Variants in CACHD1 observed in about 807,000 individuals in gnomAD.
CACHD1 encodes the protein cache domain containing 1.
A neutral mutation model predicts 138.7 loss-of-function variants in CACHD1; 71 were observed. The observed-to-expected ratio is 0.51, with a 90% CI of 0.42 to 0.62. The LOEUF (loss-of-function observed/expected upper bound fraction) is 0.62. CACHD1 is among the 20% of genes least tolerant of loss of function. The probability of loss-of-function intolerance (pLI) is 0.00; values close to 1 mark genes in which losing one functional copy is unlikely to be tolerated. For missense variants in CACHD1, 1,389 were observed against 1,625.3 expected (o/e 0.85, Z 2.50); for synonymous variants, 578 against 591.5 (o/e 0.98, Z 0.33).
At chr1:64,510,742 A>G (rs1001175116) in intron 1 of CACHD1, among the ~76,000 whole-genome samples, 2 of 152,256 alleles carry the variant, frequency 1.3e-5, no homozygotes, top group African/African-American at 4.8e-5. Context: ...TGCCAGAGAG[A>G]TTGGGTCACT....
chr1:64,600,874 C>T (rs771833233), intron 3 of CACHD1, among the ~76,000 whole-genome samples: 44 of 152,262 alleles, frequency 2.9e-4, no homozygotes, highest in Non-Finnish European at 5.4e-4. Flanking sequence ...TCTAGCCTTC[C>T]ATTTCCAATA....
At chr1:64,507,474 G>A (rs985593379) in intron 1 of CACHD1, among the ~76,000 whole-genome samples, 7 of 152,178 alleles carry the variant, frequency 4.6e-5, no homozygotes, top group Non-Finnish European at 7.3e-5. Flanking sequence ...TTTTACTTGT[G>A]TTGATGTTGT....
intron 26 of CACHD1, among the ~76,000 whole-genome samples, chr1:64,684,439 A>C (rs1203122242): frequency 6.7e-6 from 1 of 150,002 alleles, no homozygotes; most frequent in Non-Finnish European, 1.5e-5. Context: ...GAAATGTAAA[A>C]ATTTTTAAAC....
At chr1:64,580,605 G>A (rs1647004107) in intron 2 of CACHD1, among the ~76,000 whole-genome samples, 1 of 152,094 alleles carries the variant, frequency 6.6e-6, no homozygotes, top group South Asian at 2.1e-4. Flanking sequence ...TTAATAAAAT[G>A]TGAATTTTTT....
chr1:64,574,557 G>T (rs887302004), intron 2 of CACHD1, among the ~76,000 whole-genome samples: 1 of 152,038 alleles, frequency 6.6e-6, no homozygotes, highest in African/African-American at 2.4e-5. Flanking sequence ...CCTTCTCCAC[G>T]TACAGAGAAT....
At chr1:64,517,105 T>C (rs1246994407) in intron 1 of CACHD1, among the ~76,000 whole-genome samples, 2 of 152,222 alleles carry the variant, frequency 1.3e-5, no homozygotes, top group African/African-American at 4.8e-5. Context: ...ACATAGTAGG[T>C]ACTGAATGCT....
chr1:64,596,362 G>A (rs1223377596), intron 3 of CACHD1, among the ~76,000 whole-genome samples: 2 of 152,190 alleles, frequency 1.3e-5, no homozygotes, highest in African/African-American at 2.4e-5. Context: ...TTCCCAGAAA[G>A]AATGAGCGGG....
At position 64,481,001 on chromosome 1, in the gene CACHD1, C is replaced by T. The variant is rs114861834; in HGVS notation, c.198+10059C>T. ...TTTAAATGTTTCTTTACCTTGCCCT[C>T]TTTTTTTCTGAGTTCAAAGGTAGCT... is the stretch of plus-strand genomic sequence containing the variant. On this transcript the variant is annotated intron_variant, in intron 1 of 26. Coordinates refer to ENST00000651257, the MANE Select transcript of CACHD1 (RefSeq NM_020925.4). 8.5e-3 allele frequency among the ~76,000 whole-genome samples: 1,293 copies of T among 151,944 alleles called. 18 individuals carry two copies. Among genetic ancestry groups the T allele is most frequent in the African/African-American group, 0.03 (1,226 of 41,402 alleles).
intron 2 of CACHD1, chr1:64,580,040 TG>T (rs1412301543): frequency 6.6e-6 from 1 of 151,912 alleles, no homozygotes; most frequent in Non-Finnish European, 1.5e-5. Context: ...GCCCACTGAA[TG>T]TGAAAGTCTA....
intron 16 of CACHD1, among the ~76,000 whole-genome samples, chr1:64,670,443 G>A (rs1649775272): frequency 6.6e-6 from 1 of 152,206 alleles, no homozygotes; most frequent in Non-Finnish European, 1.5e-5. Context: ...GGTGGGTGAT[G>A]CTAAATAATA....
intron 9 of CACHD1, among the ~76,000 whole-genome samples, chr1:64,649,644 C>G (rs1649025492): frequency 6.6e-6 from 1 of 152,176 alleles, no homozygotes; most frequent in Non-Finnish European, 1.5e-5. Context: ...ACGTAGAGAT[C>G]CAGTTTTTCA....
At chr1:64,500,733 AAAG>A (rs1321203230) in intron 1 of CACHD1, among the ~76,000 whole-genome samples, 10 of 122,070 alleles carry the variant, frequency 8.2e-5, no homozygotes, top group East Asian at 2.2e-4. Context: ...AAAAAAAAAA[AAAG>A]AGAGAGAGAG....
At chr1:64,556,110 C>T (rs1329414635) in intron 2 of CACHD1, among the ~76,000 whole-genome samples, 1 of 152,152 alleles carries the variant, frequency 6.6e-6, no homozygotes, top group African/African-American at 2.4e-5. Context: ...TCTGTGCTGT[C>T]ATTAAAGTAA....
chr1:64,590,895 G>C (rs1208262377), intron 3 of CACHD1, among the ~76,000 whole-genome samples: 2 of 152,176 alleles, frequency 1.3e-5, no homozygotes, highest in Non-Finnish European at 2.9e-5. Flanking sequence ...GTAATCTTGG[G>C]ACGTTCACTT....
At chr1:64,526,241 C>T (rs1466048878) in intron 1 of CACHD1, among the ~76,000 whole-genome samples, 1 of 152,056 alleles carries the variant, frequency 6.6e-6, no homozygotes, top group Non-Finnish European at 1.5e-5. Flanking sequence ...GATTCCTGAG[C>T]CACAGTTAAG....
At chr1:64,658,430 C>T (rs1447802461) in intron 12 of CACHD1, among the ~76,000 whole-genome samples, 2 of 152,168 alleles carry the variant, frequency 1.3e-5, no homozygotes, top group Non-Finnish European at 2.9e-5. Context: ...ACTAGGGTCA[C>T]AGTTTCAAAG....
At chr1:64,627,940 T>G (rs1648167964) in intron 4 of CACHD1, among the ~76,000 whole-genome samples, 1 of 152,186 alleles carries the variant, frequency 6.6e-6, no homozygotes, top group Non-Finnish European at 1.5e-5. Flanking sequence ...TAACTGGTAT[T>G]AAACAAATGA....
intron 1 of CACHD1, among the ~76,000 whole-genome samples, chr1:64,519,463 T>C (rs1646482088): frequency 1.3e-5 from 2 of 152,238 alleles, no homozygotes; most frequent in Admixed American, 6.5e-5. Flanking sequence ...AGTGAAAAGA[T>C]TGACTGACTT....
At chr1:64,629,540 T>C (rs1648229487) in intron 5 of CACHD1, 59 bp downstream of exon 5, 6 of 1,562,180 alleles carry the variant, frequency 3.8e-6, no homozygotes, top group East Asian at 2.3e-5. Flanking sequence ...CTACATGAAA[T>C]ATAAAACTTC....
Sources: allele counts gnomAD v4.1 joint callset (sites outside exome capture counted in the v4.1 genomes callset), GRCh38; gene constraint gnomAD v4.1.1; transcripts MANE v1.5; gene names NCBI Gene and HGNC (gene_info 2026-07-23, HGNC 2026-07-21).